AKAP13: variants seen among roughly 807,000 people sequenced by gnomAD.
AKAP13 encodes A-kinase anchor protein 13.
In AKAP13, 80 loss-of-function variants were observed where a neutral mutation model predicts 264.5. The observed-to-expected ratio is 0.30, with a 90% CI of 0.25 to 0.36. The LOEUF is 0.36. Among genes scored for constraint, AKAP13 ranks in the 10% least tolerant of loss-of-function variants. The pLI is 1.00. For synonymous variants in AKAP13, 1,380 were observed against 1,250.2 expected (o/e 1.10, Z -2.19); for missense variants, 3,712 against 3,435.2 (o/e 1.08, Z -2.01).
At chr15:85,506,525 G>A (rs996999105) in intron 2 of AKAP13, among the ~76,000 whole-genome samples, 3 of 118,624 alleles carry the variant, frequency 2.5e-5, no homozygotes, top group Non-Finnish European at 5.9e-5. Context: ...TATACATATA[G>A]GTATAATATA....
chr15:85,573,643 G>A (rs2078903693), intron 5 of AKAP13, among the ~76,000 whole-genome samples: 1 of 152,064 alleles, frequency 6.6e-6, no homozygotes, highest in Non-Finnish European at 1.5e-5. Context: ...TTCATATAAG[G>A]AGGAAAGGGT....
chr15:85,589,561 G>C (rs1321332075), intron 8 of AKAP13, among the ~76,000 whole-genome samples: 1 of 150,080 alleles, frequency 6.7e-6, no homozygotes, highest in Admixed American at 6.7e-5. Flanking sequence ...TTCGTGACCA[G>C]CCTGGCTAAC....
chr15:85,523,783 C>T (rs1038559342), intron 3 of AKAP13, among the ~76,000 whole-genome samples: 3 of 152,136 alleles, frequency 2.0e-5, no homozygotes, highest in Non-Finnish European at 2.9e-5. Context: ...CACCCACACT[C>T]GCACTCACAC....
chr15:85,496,299 C>T (rs2075870790), intron 2 of AKAP13, among the ~76,000 whole-genome samples: 1 of 152,090 alleles, frequency 6.6e-6, no homozygotes, highest in Non-Finnish European at 1.5e-5. Context: ...TTTTCTACCA[C>T]CACATTGGGT....
At chr15:85,456,491 C>T (rs1423392785) in intron 1 of AKAP13, among the ~76,000 whole-genome samples, 6 of 150,870 alleles carry the variant, frequency 4.0e-5, no homozygotes. Context: ...TATTTTTTTA[C>T]TGTTCCTTGC....
chr15:85,608,659 G>A (rs968695215), intron 8 of AKAP13, among the ~76,000 whole-genome samples: 13 of 152,178 alleles, frequency 8.5e-5, no homozygotes, highest in East Asian at 7.7e-4. Flanking sequence ...TGACTAAGGT[G>A]GATAGGCGAG....
chr15:85,386,618 A>G (rs1164669388), intron 1 of AKAP13, among the ~76,000 whole-genome samples: 2 of 152,152 alleles, frequency 1.3e-5, no homozygotes, highest in African/African-American at 2.4e-5. Context: ...TTAAAATTTT[A>G]TATTTACATT....
intron 1 of AKAP13, among the ~76,000 whole-genome samples, chr15:85,464,942 A>C (rs148117394): frequency 2.3e-3 from 349 of 151,984 alleles, no homozygotes; most frequent in African/African-American, 8.1e-3. Context: ...GGCATTAATT[A>C]CTTTTTTTAT....
intron 4 of AKAP13, among the ~76,000 whole-genome samples, chr15:85,538,579 T>A (rs1340748369): frequency 6.7e-6 from 1 of 148,706 alleles, no homozygotes; most frequent in Non-Finnish European, 1.5e-5. Context: ...AAGCTCCGCC[T>A]CCCAGGTTCA....
In AKAP13 at chr15:85,686,916, G is replaced by A. The variant is rs75142856; in HGVS notation, c.5289+2043G>A. ...TGGATGAATTCAAAATGTTTTCATT[G>A]TTTTTTATTTTGCTTTAAAACTACT... On this transcript the variant is annotated intron_variant, in intron 16 of 36. Transcript: ENST00000394518. 6.9e-3 allele frequency among the ~76,000 whole-genome samples: 1,048 copies of A among 152,220 alleles called. 3 individuals carry two copies. Among genetic ancestry groups the A allele is most frequent in the Non-Finnish European group, 0.012 (804 of 67,986 alleles).
intron 5 of AKAP13, among the ~76,000 whole-genome samples, chr15:85,548,184 A>C (rs776270788): frequency 1.3e-5 from 2 of 152,236 alleles, no homozygotes; most frequent in African/African-American, 4.8e-5. Context: ...GCTAGTGACT[A>C]GGTGTGCAAA....
chr15:85,579,065 T>C lies in AKAP13; in HGVS notation c.997T>C (p.Ser333Pro). The part of the protein sequence containing the change: ...EPTDPQRLSS[S>P]EETESTQCCP... ...CACGGACCCTCAGCGACTTTCTTCT[T>C]CTGAAGAGACTGAGAGCACTCAGTG... The change falls in exon 7 of 37, where the codon TCT becomes CCT. Residue 333 changes from serine (S) to proline (P), a missense_variant. This residue lies in a region of AKAP13 where 2,759 missense variants were observed against 2,411.7 expected (regional missense o/e 1.14). Coordinates refer to ENST00000394518, the MANE Select transcript of AKAP13 (RefSeq NM_007200.5). 6.2e-7 allele frequency: 1 copy of C among 1,614,134 alleles called. No individual in the cohort carries two copies. Among genetic ancestry groups the C allele is most frequent in the South Asian group, 1.1e-5 (1 of 91,084 alleles).
At chr15:85,713,890 C>T (rs964313296) in intron 19 of AKAP13, among the ~76,000 whole-genome samples, 1 of 152,138 alleles carries the variant, frequency 6.6e-6, no homozygotes, top group African/African-American at 2.4e-5. Context: ...CAAGTGCCAG[C>T]GTGACCACTT....
chr15:85,655,907 A>G, intron 11 of AKAP13, 120 bp downstream of exon 11: 2 of 1,409,340 alleles, frequency 1.4e-6, no homozygotes, highest in South Asian at 3.3e-5. Flanking sequence ...GAAAGAATAT[A>G]GGCTTTGGAA....
At chr15:85,531,862 A>G (rs150558549) in intron 3 of AKAP13, among the ~76,000 whole-genome samples, 1 of 152,184 alleles carries the variant, frequency 6.6e-6, no homozygotes, top group Non-Finnish European at 1.5e-5. Context: ...CATCATTCCA[A>G]GTGTTAGGCT....
At chr15:85,449,057 T>A (rs1233620768) in intron 1 of AKAP13, among the ~76,000 whole-genome samples, 2 of 152,190 alleles carry the variant, frequency 1.3e-5, no homozygotes, top group Non-Finnish European at 1.5e-5. Context: ...TCCATTTGTT[T>A]GTGTCTTGTC....
chr15:85,485,308 C>T (rs1202028456), intron 1 of AKAP13, among the ~76,000 whole-genome samples: 1 of 152,162 alleles, frequency 6.6e-6, no homozygotes, highest in East Asian at 1.9e-4. Flanking sequence ...CCCTCACTTT[C>T]CAGGCTCCCT....
chr15:85,423,434 A>G (rs964751615), intron 1 of AKAP13, among the ~76,000 whole-genome samples: 6 of 152,248 alleles, frequency 3.9e-5, no homozygotes, highest in African/African-American at 1.4e-4. Flanking sequence ...TTCCATGTCT[A>G]GAAGCCACTT....
chr15:85,534,076 C>A, intron 4 of AKAP13, 196 bp downstream of exon 4: 2 of 566,794 alleles, frequency 3.5e-6, no homozygotes, highest in Non-Finnish European at 5.9e-6. Context: ...CATGTTGTTG[C>A]AGCGAAATGA....
Sources: allele counts gnomAD v4.1 joint callset (sites outside exome capture counted in the v4.1 genomes callset), GRCh38; gene constraint gnomAD v4.1.1; regional missense constraint gnomAD v4.1.1; transcripts MANE v1.5; gene names NCBI Gene and HGNC (gene_info 2026-07-23, HGNC 2026-07-21).